The following MARCHF5 variants were observed in gnomAD, a reference collection of about 807,000 sequenced individuals.
MARCHF5 encodes E3 ubiquitin-protein ligase MARCHF5.
In MARCHF5, 5 loss-of-function variants were observed where a neutral mutation model predicts 36.5. The observed-to-expected ratio is 0.14, with a 90% CI of 0.07 to 0.29. The LOEUF (loss-of-function observed/expected upper bound fraction) is 0.29. Among genes scored for constraint, MARCHF5 ranks in the 10% least tolerant of loss-of-function variants. The pLI, the probability that MARCHF5 is intolerant of heterozygous loss-of-function variation, is 1.00. For missense variants in MARCHF5, 179 were observed against 336.3 expected, an observed-to-expected ratio of 0.53 and a Z score of 3.66; for synonymous variants, 103 against 109.9, an observed-to-expected ratio of 0.94 and a Z score of 0.39.
At chr10:92,334,282 T>G (rs571660156) in intron 2 of MARCHF5, among the ~76,000 whole-genome samples, 2 of 152,222 alleles carry the variant, frequency 1.3e-5, no homozygotes, top group Non-Finnish European at 2.9e-5. Context: ...CTTGAGTGGC[T>G]TCTGTGAGCA....
intron 3 of MARCHF5, among the ~76,000 whole-genome samples, chr10:92,345,861 A>C (rs987003578): frequency 6.6e-6 from 1 of 151,566 alleles, no homozygotes; most frequent in East Asian, 1.9e-4. Flanking sequence ...CGCCCTGCTA[A>C]TTTTTGTATT....
intron 1 of MARCHF5, among the ~76,000 whole-genome samples, chr10:92,304,011 G>A (rs1435001500): frequency 6.6e-6 from 1 of 152,172 alleles, no homozygotes; most frequent in Non-Finnish European, 1.5e-5. Flanking sequence ...CAAGTAGGTG[G>A]CATTTAGAAA....
At chr10:92,344,918 G>T (rs925376610) in intron 3 of MARCHF5, among the ~76,000 whole-genome samples, 5 of 151,958 alleles carry the variant, frequency 3.3e-5, no homozygotes, top group Non-Finnish European at 7.4e-5. Context: ...ATAGATTATT[G>T]TTATAAATTA....
intron 2 of MARCHF5, among the ~76,000 whole-genome samples, chr10:92,324,344 C>T (rs1446136725): frequency 6.6e-6 from 1 of 151,670 alleles, no homozygotes; most frequent in Admixed American, 6.6e-5. Flanking sequence ...TTCTCCTTTT[C>T]TTTCTTTCTT....
At chr10:92,310,926 T>C (rs113045927) in intron 1 of MARCHF5, among the ~76,000 whole-genome samples, 1 of 152,188 alleles carries the variant, frequency 6.6e-6, no homozygotes, top group Admixed American at 6.6e-5. Context: ...AAAACATAAG[T>C]TCTGTAGAGG....
chr10:92,291,723 T>G (rs1842869573), intron 1 of MARCHF5, 194 bp downstream of exon 1: 1 of 393,524 alleles, frequency 2.5e-6, no homozygotes, highest in African/African-American at 2.2e-5. Flanking sequence ...GGTCGTAGAC[T>G]TTGGGTGAAA....
chr10:92,349,753 A>C lies in MARCHF5; in HGVS notation c.636A>C (p.Gly212=). The C allele has an allele frequency of 6.2e-7, 1 of 1,614,024 alleles. No homozygotes were observed. The highest frequency in any genetic ancestry group is 8.5e-7 in the Non-Finnish European group (1 of 1,179,918). Residue 212 remains glycine (G), a synonymous_variant, in exon 5 of 6, where the codon GGA becomes GGC. Coordinates refer to ENST00000358935, the MANE Select transcript of MARCHF5 (RefSeq NM_017824.5). ...TCTCTGCTACTCGAATCTTGTGTGGAGCCCTTGTCTTTCCTACTATTGCTA... is the reference window on the plus strand; with the variant it reads ...TCTCTGCTACTCGAATCTTGTGTGGCGCCCTTGTCTTTCCTACTATTGCTA... ...DHVSATRILC[G]ALVFPTIATI... is the part of the protein sequence containing the mutation.
chr10:92,351,215 T>C lies in MARCHF5; in HGVS notation c.*8T>C. 1 of 1,500,542 alleles carries C rather than the reference T, an allele frequency of 6.7e-7. No homozygotes were observed. Among genetic ancestry groups the C allele is most frequent in the Non-Finnish European group, 9.3e-7 (1 of 1,079,444 alleles). 93.0% of individuals were successfully genotyped at this position (1,500,542 alleles called of 1,614,324 possible). On this transcript the variant is annotated 3_prime_UTR_variant, in exon 6 of 6. Transcript: ENST00000358935. Reference sequence around the variant, plus strand: ...GAACAAGAAGAAGCATAAAACTGACTTCTGGTTGTTCTGCAGTTCTCTCAT... The same window carrying C: ...GAACAAGAAGAAGCATAAAACTGACCTCTGGTTGTTCTGCAGTTCTCTCAT...
chr10:92,314,322 T>C (rs1196964942), intron 2 of MARCHF5, among the ~76,000 whole-genome samples: 1 of 152,178 alleles, frequency 6.6e-6, no homozygotes, highest in Non-Finnish European at 1.5e-5. Context: ...ATCATAGATA[T>C]GTTTTAATGA....
Position 92,291,396 on chromosome 10 carries a change from G to T in MARCHF5, c.-99G>T, listed in dbSNP as rs1365341088. ...GGGTGACGGGTTCGCGGCTGCCGCC[G>T]GACTGCGGCCTACTCCGCCGCCTCT... On this transcript the variant is annotated 5_prime_UTR_variant, in exon 1 of 6. Transcript: ENST00000358935. 5.3e-6 allele frequency: 6 copies of T among 1,125,078 alleles called. No individual in the cohort carries two copies. Among genetic ancestry groups the T allele is most frequent in the Middle Eastern group, 2.6e-4 (1 of 3,880 alleles). 69.7% of individuals were successfully genotyped at this position (1,125,078 alleles called of 1,614,324 possible).
rs374564591 is a variant in MARCHF5 at position 92,350,840 on chromosome 10, A to G, written c.721-251A>G. Among the ~76,000 whole-genome samples, 89 of 152,310 alleles carry G rather than the reference A, an allele frequency of 5.8e-4. No homozygotes were observed. In the Middle Eastern group the frequency reaches 0.034, roughly 58 times the overall value. ...TATATCAGAGTATATGTAGAACTAC[A>G]TGGAAGAAAGACTAGTCAGAAAGGA... is the stretch of plus-strand genomic sequence containing the variant. On this transcript the variant is annotated intron_variant, in intron 5 of 5. Coordinates refer to ENST00000358935, the MANE Select transcript of MARCHF5 (RefSeq NM_017824.5).
At chr10:92,330,158 T>C (rs959721642) in intron 2 of MARCHF5, among the ~76,000 whole-genome samples, 8 of 152,206 alleles carry the variant, frequency 5.3e-5, no homozygotes, top group Admixed American at 3.3e-4. Flanking sequence ...TTTAGTCTTT[T>C]GTAGCCCTCA....
chr10:92,333,181 AG>A (rs1843460779), intron 2 of MARCHF5, among the ~76,000 whole-genome samples: 2 of 140,424 alleles, frequency 1.4e-5, no homozygotes, highest in South Asian at 2.3e-4. Context: ...AAAAAAAAAA[AG>A]AAAAAAAAAA....
At chr10:92,331,796 T>C (rs1843437919) in intron 2 of MARCHF5, among the ~76,000 whole-genome samples, 1 of 150,090 alleles carries the variant, frequency 6.7e-6, no homozygotes, top group South Asian at 2.1e-4. Context: ...GGAAATGCAA[T>C]ATATGAATTT....
Position 92,353,388 on chromosome 10 carries a change from G to A in MARCHF5, c.*2181G>A, listed in dbSNP as rs1337745567. On this transcript the variant is annotated 3_prime_UTR_variant, in exon 6 of 6. Transcript: ENST00000358935. ...ACTGTATGTATGATTTTGGCTAAAG[G>A]ATTTGACTTTCTCTCAACTGCAGTT... 6.6e-6 allele frequency: 1 copy of A among 152,256 alleles called. No homozygotes were observed. The highest frequency in any genetic ancestry group is 1.5e-5 in the Non-Finnish European group (1 of 68,016). The allele number at this position is 152,256 out of a possible 1,614,324, so 9.4% of individuals were successfully genotyped here. A position where few individuals can be genotyped will look rare whatever the true frequency, so the allele number is the denominator to read the frequency against.
chr10:92,298,110 A>G (rs1200969189), intron 1 of MARCHF5, among the ~76,000 whole-genome samples: 1 of 152,198 alleles, frequency 6.6e-6, no homozygotes, highest in East Asian at 1.9e-4. Context: ...AGGCACAAGA[A>G]TCGCTTGAAC....
chr10:92,331,887 ATG>A (rs1478613824), intron 2 of MARCHF5, among the ~76,000 whole-genome samples: 1 of 36,258 alleles, frequency 2.8e-5, no homozygotes, highest in African/African-American at 7.7e-5. Context: ...AATCATATAT[ATG>A]TATATATAAT....
intron 2 of MARCHF5, among the ~76,000 whole-genome samples, chr10:92,329,320 T>C (rs188597650): frequency 2.6e-5 from 4 of 152,340 alleles, no homozygotes; most frequent in Non-Finnish European, 4.4e-5. Context: ...AGATAACTTA[T>C]TGTAGTTTTA....
intron 2 of MARCHF5, among the ~76,000 whole-genome samples, chr10:92,318,183 T>A (rs1419506325): frequency 1.3e-5 from 2 of 152,106 alleles, no homozygotes; most frequent in African/African-American, 4.8e-5. Context: ...TCCCAGCACT[T>A]TGGGAGGCTG....
Sources: gnomAD v4.1 joint callset for allele counts (sites outside exome capture counted in the v4.1 genomes callset) on GRCh38, gnomAD v4.1.1 for gene constraint, MANE v1.5 for transcripts, NCBI Gene and HGNC (gene_info 2026-07-23, HGNC 2026-07-21) for gene names.